Variants in CTTNBP2NL observed in about 807,000 individuals in gnomAD.
CTTNBP2NL encodes the protein CTTNBP2 N-terminal like, also known as CTTNBP2 N-terminal-like protein.
A neutral mutation model predicts 32.5 loss-of-function variants in CTTNBP2NL; 16 were observed. The ratio of observed to expected loss-of-function variants is 0.49; its 90% CI spans 0.33 to 0.75. CTTNBP2NL has a LOEUF of 0.75. Ranked by LOEUF, CTTNBP2NL falls within the 30% of genes least tolerant of loss-of-function variation. The pLI is 0.02. For missense variants in CTTNBP2NL, 645 were observed against 756.0 expected (o/e 0.85, Z 1.72); for synonymous variants, 298 against 289.4 (o/e 1.03, Z -0.30).
chr1:112,441,300 G>A (rs2101024262), intron 3 of CTTNBP2NL, among the ~76,000 whole-genome samples: 1 of 152,300 alleles, frequency 6.6e-6, no homozygotes, highest in African/African-American at 2.4e-5. Flanking sequence ...AAGTCACACA[G>A]AACATACTCT....
intron 1 of CTTNBP2NL, among the ~76,000 whole-genome samples, chr1:112,400,977 A>T: frequency 1.4e-5 from 1 of 69,042 alleles, no homozygotes; most frequent in South Asian, 4.1e-4. Flanking sequence ...AAAAAAAAAA[A>T]AAAAAAAAAA....
upstream of CTTNBP2NL, among the ~76,000 whole-genome samples, chr1:112,395,829 A>G (rs1648300640): frequency 6.6e-6 from 1 of 152,234 alleles, no homozygotes; most frequent in South Asian, 2.1e-4. Flanking sequence ...ATTCTGGATA[A>G]AATCCCAATC....
chr1:112,393,459 G>A (rs1395647660), upstream of CTTNBP2NL, among the ~76,000 whole-genome samples: 1 of 152,154 alleles, frequency 6.6e-6, no homozygotes, highest in South Asian at 2.1e-4. Flanking sequence ...TTGATAAAAT[G>A]ATAGACATTA....
chr1:112,455,300 G>A (rs1415299858), intron 5 of CTTNBP2NL, among the ~76,000 whole-genome samples: 1 of 152,188 alleles, frequency 6.6e-6, no homozygotes, highest in Admixed American at 6.5e-5. Flanking sequence ...AAGGTCAGGA[G>A]TTTGAGACCA....
At chr1:112,403,608 T>G (rs1360292331) in intron 1 of CTTNBP2NL, among the ~76,000 whole-genome samples, 1 of 152,250 alleles carries the variant, frequency 6.6e-6, no homozygotes, top group Non-Finnish European at 1.5e-5. Context: ...ATAGCTGTGA[T>G]ATTTTCAGGA....
rs1648784880 is a variant in CTTNBP2NL at position 112,409,281 on chromosome 1, T to C, written c.-133-2913T>C. On this transcript the variant is annotated intron_variant, in intron 1 of 5. Transcript: ENST00000271277. ...ATTTGTAGTCCAAATATAAATTTCT[T>C]AAATTTGATAGCTGAGTATAAATTT... is the stretch of plus-strand genomic sequence containing the variant. Among the ~76,000 whole-genome samples the C allele has an allele frequency of 2.0e-5, 3 of 152,222 alleles. No individual in the cohort carries two copies. In the South Asian group the frequency reaches 6.2e-4, roughly 32 times the overall value.
chr1:112,426,770 C>G (rs957102165), intron 3 of CTTNBP2NL, among the ~76,000 whole-genome samples: 3 of 152,026 alleles, frequency 2.0e-5, no homozygotes, highest in African/African-American at 7.2e-5. Context: ...CCACACCCAG[C>G]TAATTTTGTA....
chr1:112,394,092 G>A (rs1021984087), upstream of CTTNBP2NL, among the ~76,000 whole-genome samples: 4 of 151,898 alleles, frequency 2.6e-5, no homozygotes, highest in African/African-American at 9.7e-5. Flanking sequence ...TATAATCCCA[G>A]CTACTCGGAA....
Position 112,456,302 on chromosome 1 carries a change from A to G in CTTNBP2NL, c.810A>G (p.Leu270=). The change falls in exon 6 of 6, where the codon TTA becomes TTG. Residue 270 remains leucine, a synonymous_variant. Coordinates refer to ENST00000271277, the MANE Select transcript of CTTNBP2NL (RefSeq NM_018704.3). ...CCCTGAAAGAAGAAATGGAAAGTTT[A>G]AAGAAGATAGTGAAGGACCTAGAGG... is the stretch of plus-strand genomic sequence containing the variant. The part of the protein sequence containing the change: ...TKTLKEEMES[L]KKIVKDLEAS... 1 of 1,614,136 alleles carries G rather than the reference A, an allele frequency of 6.2e-7. No homozygotes were observed. Among genetic ancestry groups the G allele is most frequent in the Non-Finnish European group, 8.5e-7 (1 of 1,180,032 alleles).
intron 3 of CTTNBP2NL, among the ~76,000 whole-genome samples, chr1:112,418,981 G>A (rs1378618632): frequency 6.6e-6 from 1 of 152,108 alleles, no homozygotes; most frequent in African/African-American, 2.4e-5. Context: ...AATCCACCTT[G>A]CATTTATTGG....
At chr1:112,409,455 A>G (rs1003623911) in intron 1 of CTTNBP2NL, among the ~76,000 whole-genome samples, 6 of 152,172 alleles carry the variant, frequency 3.9e-5, no homozygotes. Context: ...AGGCATTTCT[A>G]TGTCAGGAGC....
chr1:112,391,379 A>G (rs1648176663), upstream of CTTNBP2NL, among the ~76,000 whole-genome samples: 2 of 152,178 alleles, frequency 1.3e-5, no homozygotes, highest in Admixed American at 1.3e-4. Flanking sequence ...CAACTTCTAC[A>G]TCTAGCTCAC....
intron 3 of CTTNBP2NL, among the ~76,000 whole-genome samples, chr1:112,433,306 C>T (rs898095483): frequency 2.0e-5 from 3 of 151,990 alleles, no homozygotes; most frequent in African/African-American, 4.8e-5. Context: ...TTTTAAAATT[C>T]CCCGTGGCTG....
At chr1:112,398,020 T>TA (rs1349365923) in intron 1 of CTTNBP2NL, among the ~76,000 whole-genome samples, 1 of 152,202 alleles carries the variant, frequency 6.6e-6, no homozygotes, top group Non-Finnish European at 1.5e-5. Context: ...AGGGTGTCTC[T>TA]AGCAAACGCA....
At chr1:112,429,011 A>G (rs950808729) in intron 3 of CTTNBP2NL, among the ~76,000 whole-genome samples, 13 of 152,200 alleles carry the variant, frequency 8.5e-5, no homozygotes, top group Non-Finnish European at 1.9e-4. Context: ...TTGCTAAGCT[A>G]TGGAATCAGA....
chr1:112,429,606 A>G (rs913450078), intron 3 of CTTNBP2NL, among the ~76,000 whole-genome samples: 1 of 152,192 alleles, frequency 6.6e-6, no homozygotes, highest in Non-Finnish European at 1.5e-5. Flanking sequence ...TTACAATACA[A>G]ATGTTCTTAG....
In CTTNBP2NL at chr1:112,409,260, G is replaced by C. The variant is rs1278557711; in HGVS notation, c.-133-2934G>C. On this transcript the variant is annotated intron_variant, in intron 1 of 5. Coordinates refer to ENST00000271277, the MANE Select transcript of CTTNBP2NL (RefSeq NM_018704.3). Reference sequence around the variant, plus strand: ...TGAATGACCTTAATCTGAGTCATTTGTAGTCCAAATATAAATTTCTTAAAT... The same window carrying C: ...TGAATGACCTTAATCTGAGTCATTTCTAGTCCAAATATAAATTTCTTAAAT... Among the ~76,000 whole-genome samples, 7 of 151,548 alleles carry C rather than the reference G, an allele frequency of 4.6e-5. No homozygotes were observed. The South Asian group carries it at 1.0e-3, about 23-fold the overall frequency.
chr1:112,430,513 C>T (rs1649539344), intron 3 of CTTNBP2NL, among the ~76,000 whole-genome samples: 1 of 147,214 alleles, frequency 6.8e-6, no homozygotes, highest in Non-Finnish European at 1.5e-5. Context: ...GCTGGGATTA[C>T]AGGCGTGAGC....
Position 112,456,081 on chromosome 1 carries a change from G to A in CTTNBP2NL, c.589G>A (p.Gly197Arg). The A allele has an allele frequency of 6.2e-7, 1 of 1,614,156 alleles. No individual in the cohort carries two copies. Among genetic ancestry groups the A allele is most frequent in the Non-Finnish European group, 8.5e-7 (1 of 1,180,014 alleles). ...KKATNKAAEE[G>R]QKAGELSLKL... is the part of the protein sequence containing the mutation. Reference sequence around the variant, plus strand: ...AGCCACCAACAAGGCAGCCGAGGAAGGACAGAAGGCAGGAGAGCTGAGCCT... The same window carrying A: ...AGCCACCAACAAGGCAGCCGAGGAAAGACAGAAGGCAGGAGAGCTGAGCCT... The change falls in exon 6 of 6, where the codon GGA (glycine) becomes AGA (arginine). Residue 197 changes from glycine to arginine, a missense_variant. Gly to Arg is a moderately radical substitution (Grantham distance 125, BLOSUM62 -2). Transcript: ENST00000271277.
Sources: allele counts gnomAD v4.1 joint callset (sites outside exome capture counted in the v4.1 genomes callset), GRCh38; gene constraint gnomAD v4.1.1; transcripts MANE v1.5; gene names NCBI Gene and HGNC (gene_info 2026-07-23, HGNC 2026-07-21).